The following PC variants were observed in gnomAD, a reference collection of about 807,000 sequenced individuals.
PC encodes the protein pyruvate carboxylase, mitochondrial.
PC carries 46 observed loss-of-function variants against 107.8 expected under a neutral mutation model. The observed-to-expected ratio is 0.43, with a 90% CI of 0.34 to 0.55. The LOEUF (loss-of-function observed/expected upper bound fraction) is 0.55, where lower values mean the gene tolerates loss of function less well. Ranked by LOEUF, PC falls within the 20% of genes least tolerant of loss-of-function variation. PC has a pLI of 0.04. For missense variants in PC, 1,241 were observed against 1,643.1 expected, an observed-to-expected ratio of 0.76 and a Z score of 4.23; for synonymous variants, 662 against 684.7, an observed-to-expected ratio of 0.97 and a Z score of 0.52.
At chr11:66,938,708 T>C (rs948102898) in intron 3 of PC, among the ~76,000 whole-genome samples, 2 of 152,216 alleles carry the variant, frequency 1.3e-5, no homozygotes, top group Non-Finnish European at 2.9e-5. Flanking sequence ...TTCTGTTTTA[T>C]AATATATATT....
At chr11:66,882,306 T>A (rs1450823041) in intron 3 of PC, among the ~76,000 whole-genome samples, 1 of 152,200 alleles carries the variant, frequency 6.6e-6, no homozygotes, top group Non-Finnish European at 1.5e-5. Flanking sequence ...ACCTAAGAGC[T>A]GCTGCAGCTG....
chr11:66,851,294 A>AGAGCCCAGGGCT lies in PC; in HGVS notation c.1983-26_1983-15dup. The AGAGCCCAGGGCT allele has an allele frequency of 6.3e-7, 1 of 1,599,876 alleles. No homozygotes were observed. The highest frequency in any genetic ancestry group is 1.3e-5 in the African/African-American group (1 of 75,056). ...ACTTCACAGAACCTGCAAGGGTGAG[A>AGAGCCCAGGGCT]GAGCCCAGGGCTGAGCCCCACCCCA... On this transcript the variant is annotated splice_polypyrimidine_tract_variant and intron_variant, in intron 16 of 22. Transcript: ENST00000393960.
intron 3 of PC, among the ~76,000 whole-genome samples, chr11:66,927,711 G>A (rs574066529): frequency 1.3e-3 from 184 of 145,074 alleles, no homozygotes; most frequent in Non-Finnish European, 1.1e-3. Flanking sequence ...CAACAAGAGC[G>A]AAAGTCCGTC....
At chr11:66,955,708 T>C (rs971087809) in intron 1 of PC, among the ~76,000 whole-genome samples, 1 of 151,776 alleles carries the variant, frequency 6.6e-6, no homozygotes, top group African/African-American at 2.4e-5. Flanking sequence ...CAGAACACCA[T>C]GGGACACAAT....
intron 3 of PC, among the ~76,000 whole-genome samples, chr11:66,892,868 T>G (rs11227620): frequency 0.02 from 3,010 of 149,924 alleles, 97 homozygotes; most frequent in East Asian, 0.085. Context: ...AAAAAAAAAA[T>G]TGTTGGCTTT....
At chr11:66,946,220 G>C (rs190050200) in intron 3 of PC, among the ~76,000 whole-genome samples, 3 of 152,220 alleles carry the variant, frequency 2.0e-5, no homozygotes, top group African/African-American at 7.2e-5. Context: ...ACTGAGGCCA[G>C]GCGTGGTGAC....
chr11:66,869,357 G>T (rs1043584366), intron 9 of PC, among the ~76,000 whole-genome samples: 2 of 151,564 alleles, frequency 1.3e-5, no homozygotes, highest in African/African-American at 4.9e-5. Context: ...CTGCTTGGAG[G>T]TGTTTTCAGA....
At chr11:66,877,570 C>T (rs1177823185) in intron 3 of PC, among the ~76,000 whole-genome samples, 1 of 152,144 alleles carries the variant, frequency 6.6e-6, no homozygotes, top group Non-Finnish European at 1.5e-5. Context: ...GGGTTATGCC[C>T]CTGAGCCCAG....
intron 3 of PC, among the ~76,000 whole-genome samples, chr11:66,916,303 CTTCA>C (rs1948461202): frequency 6.6e-6 from 1 of 152,154 alleles, no homozygotes; most frequent in African/African-American, 2.4e-5. Flanking sequence ...CCAGGCTGGT[CTTCA>C]CCTCCTGGGC....
intron 3 of PC, among the ~76,000 whole-genome samples, chr11:66,924,420 TA>T (rs1362768829): frequency 3.2e-5 from 4 of 125,568 alleles, no homozygotes; most frequent in Admixed American, 7.8e-5. Context: ...ACACCTCAAT[TA>T]AAAAAAAAGA....
chr11:66,895,350 G>A (rs1019550769), intron 3 of PC, among the ~76,000 whole-genome samples: 4 of 152,156 alleles, frequency 2.6e-5, no homozygotes, highest in African/African-American at 7.2e-5. Flanking sequence ...CAGCTCCCAG[G>A]CAGCATTTTA....
At chr11:66,853,418 T>C (rs1040523451) in intron 12 of PC, 35 bp from the exon 13 acceptor site, 33 of 1,612,532 alleles carry the variant, frequency 2.0e-5, no homozygotes, top group Non-Finnish European at 2.8e-5. Flanking sequence ...GGGGTCACCA[T>C]GCAGCACAGA....
chr11:66,886,873 G>A (rs1172673829), intron 3 of PC, among the ~76,000 whole-genome samples: 1 of 152,178 alleles, frequency 6.6e-6, no homozygotes, highest in Non-Finnish European at 1.5e-5. Flanking sequence ...AGAGACGAAG[G>A]CAGGAAGGCA....
chr11:66,881,834 T>C (rs936994857), intron 3 of PC, among the ~76,000 whole-genome samples: 1 of 152,214 alleles, frequency 6.6e-6, no homozygotes, highest in African/African-American at 2.4e-5. Context: ...GCCCGCTTCA[T>C]ATGGCCCCCT....
intron 3 of PC, among the ~76,000 whole-genome samples, chr11:66,906,908 C>T (rs1414464997): frequency 6.6e-6 from 1 of 152,210 alleles, no homozygotes; most frequent in Non-Finnish European, 1.5e-5. Flanking sequence ...TTTTCCTGCA[C>T]TGCTGTCTGG....
intron 1 of PC, among the ~76,000 whole-genome samples, chr11:66,955,781 CT>C (rs1055331409): frequency 6.7e-6 from 1 of 148,648 alleles, no homozygotes; most frequent in East Asian, 2.0e-4. Flanking sequence ...TTTTTTTTTT[CT>C]TTTTTTTTGA....
intron 12 of PC, chr11:66,860,819 C>T (rs1055179712): frequency 1.3e-5 from 9 of 673,952 alleles, no homozygotes; most frequent in East Asian, 5.4e-5. Context: ...TCAGGGTCTG[C>T]GGGGCGGACA....
At chr11:66,897,924 T>A (rs2136032988) in intron 3 of PC, among the ~76,000 whole-genome samples, 1 of 152,318 alleles carries the variant, frequency 6.6e-6, no homozygotes, top group Middle Eastern at 3.4e-3. Flanking sequence ...CACAATCTCA[T>A]GGGGTATTAT....
intron 3 of PC, among the ~76,000 whole-genome samples, chr11:66,929,147 T>C (rs1948787372): frequency 6.6e-6 from 1 of 152,154 alleles, no homozygotes; most frequent in Non-Finnish European, 1.5e-5. Flanking sequence ...ATCCATAAAG[T>C]AGCCTTCTGG....
Sources: gnomAD v4.1 joint callset for allele counts (sites outside exome capture counted in the v4.1 genomes callset) on GRCh38, gnomAD v4.1.1 for gene constraint, MANE v1.5 for transcripts, NCBI Gene and HGNC (gene_info 2026-07-23, HGNC 2026-07-21) for gene names.